The following OPRM1 variants were observed in gnomAD, a reference collection of about 807,000 sequenced individuals.
OPRM1 encodes mu-type opioid receptor.
A neutral mutation model predicts 31.8 loss-of-function variants in OPRM1; 27 were observed. The ratio of observed to expected loss-of-function variants is 0.85; its 90% CI spans 0.63 to 1.17. OPRM1 has a LOEUF of 1.17. Among genes scored for constraint, OPRM1 ranks in the 50% most tolerant of loss-of-function variants. The probability of loss-of-function intolerance (pLI) is 0.00; values close to 1 mark genes in which losing one functional copy is unlikely to be tolerated. For synonymous variants in OPRM1, 196 were observed against 189.9 expected, an observed-to-expected ratio of 1.03 and a Z score of -0.26; for missense variants, 536 against 511.1, an observed-to-expected ratio of 1.05 and a Z score of -0.47.
intron 3 of OPRM1, among the ~76,000 whole-genome samples, chr6:154,189,164 A>G (rs941504854): frequency 6.6e-6 from 1 of 152,250 alleles, no homozygotes; most frequent in Non-Finnish European, 1.5e-5. Flanking sequence ...AAAAGAGTGA[A>G]ATAAACACTC....
chr6:154,159,804 AGAG>A (rs1232049298), intron 3 of OPRM1: 1 of 1,557,434 alleles, frequency 6.4e-7, no homozygotes, highest in Admixed American at 1.8e-5. Context: ...ATAAAATATA[AGAG>A]GAGAAAACCC....
At chr6:154,215,073 G>A (rs1778278213) in intron 3 of OPRM1, among the ~76,000 whole-genome samples, 1 of 152,126 alleles carries the variant, frequency 6.6e-6, no homozygotes, top group Non-Finnish European at 1.5e-5. Context: ...GCTTATTTCT[G>A]TACCTATTTT....
rs1777684027 is a variant in OPRM1 at position 154,010,798 on chromosome 6, G to A, written c.-221G>A. The A allele has an allele frequency of 2.1e-6, 3 of 1,406,020 alleles. No homozygotes were observed. The East Asian group carries it at 8.1e-5, about 38-fold the overall frequency. The allele number at this position is 1,406,020 out of a possible 1,614,324, so 87.1% of individuals were successfully genotyped here. ...GGTCAAGTGGATGTGGCAGAACTGG[G>A]CTGCTCTGAGATGATAGAAAAGGGC... is the stretch of plus-strand genomic sequence containing the variant. On this transcript the variant is annotated 5_prime_UTR_variant, in exon 1 of 6. Coordinates refer to the OPRM1 transcript ENST00000434900.
intron 3 of OPRM1, among the ~76,000 whole-genome samples, chr6:154,207,974 C>T (rs375052852): frequency 1.3e-5 from 2 of 152,184 alleles, no homozygotes; most frequent in East Asian, 1.9e-4. Flanking sequence ...CACTGCTATC[C>T]CGATGGAATC....
chr6:154,127,461 T>C lies in OPRM1; in HGVS notation c.*8740T>C, dbSNP rs1360189776. ...TTGCTGTTGCTTGTTTATTTGTTTG[T>C]TGTGTTTAAGACGTTTTACTTGTCC... On this transcript the variant is annotated 3_prime_UTR_variant, in exon 4 of 4. Transcript: ENST00000330432. 6.6e-6 allele frequency among the ~76,000 whole-genome samples: 1 copy of C among 152,190 alleles called. No individual in the cohort carries two copies. The highest frequency in any genetic ancestry group is 2.4e-5 in the African/African-American group (1 of 41,444).
intron 3 of OPRM1, among the ~76,000 whole-genome samples, chr6:154,233,119 C>T (rs928373214): frequency 6.6e-6 from 1 of 152,070 alleles, no homozygotes; most frequent in Non-Finnish European, 1.5e-5. Context: ...CAGGCATGTG[C>T]CGCCACGCCC....
In OPRM1 at chr6:154,015,607, G is replaced by A. The variant is rs541757948; in HGVS notation, c.-1+4589G>A. Among the ~76,000 whole-genome samples the A allele has an allele frequency of 1.6e-4, 25 of 151,966 alleles. 1 individual carries two copies. Among genetic ancestry groups the A allele is most frequent in the Admixed American group, 1.2e-3 (19 of 15,244 alleles). On this transcript the variant is annotated intron_variant, in intron 1 of 5. Coordinates refer to the OPRM1 transcript ENST00000434900. ...AATCTGAGAGTGGGAAAACTGCCAC[G>A]CTACTACTCGAAGTCCAGAAGTAAT... is the stretch of plus-strand genomic sequence containing the variant.
chr6:154,135,022 G>A (rs904062776), downstream of OPRM1, among the ~76,000 whole-genome samples: 9 of 152,186 alleles, frequency 5.9e-5, no homozygotes, highest in South Asian at 4.1e-4. Context: ...CAGCCAAGAC[G>A]TGGACAATTT....
intron 1 of OPRM1, among the ~76,000 whole-genome samples, chr6:154,013,034 T>TGA (rs1562366930): frequency 6.6e-6 from 1 of 151,990 alleles, no homozygotes; most frequent in African/African-American, 2.4e-5. Flanking sequence ...TTGGCAGGGC[T>TGA]GGGGGGGTAC....
intron 3 of OPRM1, among the ~76,000 whole-genome samples, chr6:154,211,182 C>T (rs565455046): frequency 9.8e-4 from 149 of 152,012 alleles, no homozygotes; most frequent in Middle Eastern, 3.4e-3. Flanking sequence ...TTTGGGAGGC[C>T]GAGGCAGGCG....
Position 154,120,014 on chromosome 6 carries a change from A to G in OPRM1, c.*1293A>G, listed in dbSNP as rs527509943. ...TGTGAAACACAGTAGAGATTTGGCA[A>G]TCAACCATTTTACTTGATCTAGGTA... On this transcript the variant is annotated 3_prime_UTR_variant, in exon 4 of 4. Coordinates refer to ENST00000330432, the MANE Select transcript of OPRM1 (RefSeq NM_000914.5). 1.3e-5 allele frequency among the ~76,000 whole-genome samples: 2 copies of G among 152,202 alleles called. No individual in the cohort carries two copies. The highest frequency in any genetic ancestry group is 4.8e-5 in the African/African-American group (2 of 41,462).
chr6:154,162,688 C>T (rs554362918), intron 3 of OPRM1, among the ~76,000 whole-genome samples: 9 of 129,906 alleles, frequency 6.9e-5, no homozygotes, highest in African/African-American at 2.6e-4. Flanking sequence ...CAGCTTGTAT[C>T]CTGTTCTCTG....
intron 3 of OPRM1, chr6:154,221,346 A>C: frequency 6.2e-7 from 1 of 1,607,772 alleles, no homozygotes; most frequent in Non-Finnish European, 8.5e-7. Context: ...GAGGAAAAGC[A>C]CAAACACATA....
At chr6:154,245,310 GA>G (rs1780940682) in intron 3 of OPRM1, among the ~76,000 whole-genome samples, 1 of 151,884 alleles carries the variant, frequency 6.6e-6, no homozygotes, top group Non-Finnish European at 1.5e-5. Context: ...TATTTTTATG[GA>G]ACCCAAAGAG....
At chr6:154,182,305 T>C (rs1800953960) in intron 3 of OPRM1, among the ~76,000 whole-genome samples, 1 of 152,182 alleles carries the variant, frequency 6.6e-6, no homozygotes, top group Non-Finnish European at 1.5e-5. Context: ...TCAAGGCTCT[T>C]CTACTGTATT....
intron 3 of OPRM1, among the ~76,000 whole-genome samples, chr6:154,166,893 T>C (rs1172128502): frequency 1.3e-5 from 2 of 152,218 alleles, no homozygotes; most frequent in Admixed American, 6.5e-5. Flanking sequence ...TCGATAAAAA[T>C]TTTAATATTA....
chr6:154,224,373 T>G (rs1046766623), intron 3 of OPRM1, among the ~76,000 whole-genome samples: 1 of 152,168 alleles, frequency 6.6e-6, no homozygotes, highest in South Asian at 2.1e-4. Flanking sequence ...GTGACTCAAC[T>G]TATCTAAATT....
At chr6:154,030,370 A>G (rs2128386987) in intron 1 of OPRM1, among the ~76,000 whole-genome samples, 1 of 152,328 alleles carries the variant, frequency 6.6e-6, no homozygotes, top group South Asian at 2.1e-4. Flanking sequence ...AATTTTAAAG[A>G]TTCAAAACAG....
In OPRM1 at chr6:154,122,519, A is replaced by G. The variant is rs1274514859; in HGVS notation, c.*3798A>G. Among the ~76,000 whole-genome samples the G allele has an allele frequency of 6.6e-6, 1 of 152,222 alleles. No individual in the cohort carries two copies. The highest frequency in any genetic ancestry group is 1.5e-5 in the Non-Finnish European group (1 of 68,024). On this transcript the variant is annotated 3_prime_UTR_variant, in exon 4 of 4. Transcript: ENST00000330432. ...CAAGTAAGGTCTAAGGCAAAAGTAA[A>G]TTAATGAGTCCAACTCTGGGGCATC...
Sources: gnomAD v4.1 joint callset for allele counts (sites outside exome capture counted in the v4.1 genomes callset) on GRCh38, gnomAD v4.1.1 for gene constraint, MANE v1.5 for transcripts, NCBI Gene and HGNC (gene_info 2026-07-23, HGNC 2026-07-21) for gene names.